Variants in ADPRHL1 observed in about 807,000 individuals in gnomAD.
ADPRHL1 encodes the protein ADP-ribosylhydrolase like 1.
Under a neutral mutation model 44.1 loss-of-function variants are expected in ADPRHL1, and 43 were observed. The ratio of observed to expected loss-of-function variants is 0.98; its 90% confidence interval spans 0.76 to 1.26. The LOEUF is 1.26. Among genes scored for constraint, ADPRHL1 ranks in the 50% most tolerant of loss-of-function variants. The probability of loss-of-function intolerance (pLI) is 0.00; values close to 1 mark genes in which losing one functional copy is unlikely to be tolerated. For missense variants in ADPRHL1, 2,022 were observed against 2,496.9 expected (o/e 0.81, Z 4.05); for synonymous variants, 878 against 1,017.4 (o/e 0.86, Z 2.61).
In ADPRHL1 at chr13:113,425,175, G is replaced by C; in HGVS notation, c.651C>G (p.Tyr217Ter). Residue 217 changes from tyrosine (Y) to a stop codon, truncating the protein, a stop_gained, in exon 5 of 8, where the codon TAC becomes TAG. Coordinates refer to ENST00000612156, the MANE Select transcript of ADPRHL1 (RefSeq NM_001394807.1). LOFTEE classifies it high-confidence loss of function. ...CTTCAAAGTAAAACCAGTGCTCCTG[G>C]TATTCTAAACATAAAGAACAAGGGG... ...CRKTIRHTAEYQEHWFYFEAK... is the reference protein window; with the variant it reads ...CRKTIRHTAE 1 of 1,394,610 alleles carries C rather than the reference G, an allele frequency of 7.2e-7. No individual in the cohort carries two copies. The highest frequency in any genetic ancestry group is 4.0e-5 in the East Asian group (1 of 25,024). The allele number at this position is 1,394,610 out of a possible 1,614,324, so 86.4% of individuals were successfully genotyped here. A position where few individuals can be genotyped will look rare whatever the true frequency, so the allele number is the denominator to read the frequency against.
intron 7 of ADPRHL1, among the ~76,000 whole-genome samples, chr13:113,418,147 C>T (rs147757735): frequency 6.6e-6 from 1 of 152,308 alleles, no homozygotes; most frequent in Non-Finnish European, 1.5e-5. Flanking sequence ...ACTCTGTGCT[C>T]ATGAACTGCA....
At position 113,404,322 on chromosome 13, in the gene ADPRHL1, C is replaced by T. The variant is rs374570776; in HGVS notation, c.4960G>A (p.Glu1654Lys). ...AQKGAQERAQEQAQEQTQIEA... is the reference protein window; with the variant it reads ...AQKGAQERAQKQAQEQTQIEA... ...ATCTGGGTCTGCTCCTGAGCCTGTTCCTGGGCCCGTTCCTGAGCCCCTTTC... is the reference window on the plus strand; with the variant it reads ...ATCTGGGTCTGCTCCTGAGCCTGTTTCTGGGCCCGTTCCTGAGCCCCTTTC... The change falls in exon 8 of 8, where the codon GAA (glutamate) becomes AAA (lysine). Residue 1654 changes from glutamate (E) to lysine (K), a missense_variant. Coordinates refer to ENST00000612156, the MANE Select transcript of ADPRHL1 (RefSeq NM_001394807.1). 3 of 1,330,738 alleles carry T rather than the reference C, an allele frequency of 2.3e-6. No homozygotes were observed. Among genetic ancestry groups the T allele is most frequent in the Non-Finnish European group, 2.9e-6 (3 of 1,048,936 alleles). The allele number at this position is 1,330,738 out of a possible 1,614,324, so 82.4% of individuals were successfully genotyped here. A position where few individuals can be genotyped will look rare whatever the true frequency, so the allele number is the denominator to read the frequency against.
intron 2 of ADPRHL1, among the ~76,000 whole-genome samples, chr13:113,434,326 G>C (rs2044030655): frequency 6.6e-6 from 1 of 151,674 alleles, no homozygotes; most frequent in East Asian, 1.9e-4. Context: ...AGTGAACATA[G>C]GTGTACCCCG....
At chr13:113,419,278 G>GTC (rs1448694797) in intron 7 of ADPRHL1, among the ~76,000 whole-genome samples, 1 of 77,314 alleles carries the variant, frequency 1.3e-5, no homozygotes, top group African/African-American at 6.3e-5. Context: ...GCTAATTTTT[G>GTC]TATTTTTTTT....
rs1267611286 is a variant in ADPRHL1, at chr13:113,404,752, C to G, written c.4530G>C (p.Trp1510Cys). 80 of 1,273,612 alleles carry G rather than the reference C, an allele frequency of 6.3e-5. No homozygotes were observed. The highest frequency in any genetic ancestry group is 7.7e-5 in the Non-Finnish European group (78 of 1,014,970). The allele number at this position is 1,273,612 out of a possible 1,614,324, so 78.9% of individuals were successfully genotyped here. The stretch of plus-strand genomic sequence containing the variant: ...GCCCCTGGGCCTCTATCTGGGTCTG[C>G]CACTGGGCCTGTTCTTGAGCGTGTC... ...VQGHAQEQAQWQTQIEAQGQA... is the reference protein window; with the variant it reads ...VQGHAQEQAQCQTQIEAQGQA... Residue 1510 changes from tryptophan to cysteine, a missense_variant, in exon 8 of 8, where the codon TGG becomes TGC. Trp to Cys is a radical substitution (Grantham distance 215). This residue lies in a region of ADPRHL1 where 1,221 missense variants were observed against 1,517.8 expected (regional missense o/e 0.80). Coordinates refer to ENST00000612156, the MANE Select transcript of ADPRHL1 (RefSeq NM_001394807.1).
Position 113,425,196 on chromosome 13 carries a change from A to G in ADPRHL1, c.647-17T>C, listed in dbSNP as rs755618961. Reference sequence around the variant, plus strand: ...CCTGGTATTCTAAACATAAAGAACAAGGGGAGCTGAACACAATGGCATCCA... The same window carrying G: ...CCTGGTATTCTAAACATAAAGAACAGGGGGAGCTGAACACAATGGCATCCA... On this transcript the variant is annotated splice_polypyrimidine_tract_variant and intron_variant, in intron 4 of 7. Coordinates refer to ENST00000612156, the MANE Select transcript of ADPRHL1 (RefSeq NM_001394807.1). 1 of 1,296,616 alleles carries G rather than the reference A, an allele frequency of 7.7e-7. No individual in the cohort carries two copies. The highest frequency in any genetic ancestry group is 1.3e-5 in the South Asian group (1 of 79,302). The allele number at this position is 1,296,616 out of a possible 1,614,324, so 80.3% of individuals were successfully genotyped here.
In ADPRHL1 at chr13:113,408,125, T is replaced by C; in HGVS notation, c.1157A>G (p.His386Arg). The C allele has an allele frequency of 8.1e-7, 1 of 1,231,902 alleles. No homozygotes were observed. The highest frequency in any genetic ancestry group is 1.6e-5 in the African/African-American group (1 of 64,488). The allele number at this position is 1,231,902 out of a possible 1,614,324, so 76.3% of individuals were successfully genotyped here. Residue 386 changes from histidine (H) to arginine (R), a missense_variant, in exon 8 of 8, where the codon CAC (histidine) becomes CGC (arginine). Transcript: ENST00000612156. ...MGKLACDPAA[H>R]SILSSLLLYV... ...GAGCAGCAGGCTGCTGAGGATGGAG[T>C]GGGCGGCCGGGTCACAGGCCAGCTT... is the stretch of plus-strand genomic sequence containing the variant.
chr13:113,431,849 G>C (rs983112772), intron 3 of ADPRHL1, among the ~76,000 whole-genome samples: 1 of 151,888 alleles, frequency 6.6e-6, no homozygotes, highest in Non-Finnish European at 1.5e-5. Context: ...CTGAGTAGCT[G>C]GGATTACAGG....
intron 2 of ADPRHL1, among the ~76,000 whole-genome samples, 178 bp from the exon 3 acceptor site, chr13:113,434,045 T>A (rs1383468279): frequency 6.6e-6 from 1 of 152,102 alleles, no homozygotes; most frequent in African/African-American, 2.4e-5. Flanking sequence ...AGAAAGGAGA[T>A]GGGGCAAATT....
At chr13:113,419,027 C>T in intron 7 of ADPRHL1, among the ~76,000 whole-genome samples, 1 of 151,678 alleles carries the variant, frequency 6.6e-6, no homozygotes, top group Non-Finnish European at 1.5e-5. Context: ...TTCCTTTCTT[C>T]CCCTTCCCCT....
At position 113,428,447 on chromosome 13, in the gene ADPRHL1, C is replaced by T. The variant is rs531141067; in HGVS notation, c.646+505G>A. On this transcript the variant is annotated intron_variant, in intron 4 of 7. Coordinates refer to ENST00000612156, the MANE Select transcript of ADPRHL1 (RefSeq NM_001394807.1). ...CCCTGCCGCCCCCTCCCCTCTTAGA[C>T]GGCACCTTCCGTGGGGTGGAAGAAT... Among the ~76,000 whole-genome samples the T allele has an allele frequency of 3.9e-5, 6 of 152,334 alleles. No homozygotes were observed. The East Asian group carries it at 1.2e-3, about 29-fold the overall frequency.
chr13:113,410,748 G>C (rs911734159), intron 7 of ADPRHL1, among the ~76,000 whole-genome samples: 1 of 152,224 alleles, frequency 6.6e-6, no homozygotes, highest in Non-Finnish European at 1.5e-5. Context: ...TGCGCCGTGG[G>C]GATGGGGAGG....
At chr13:113,421,254 CA>C (rs201551497) in intron 7 of ADPRHL1, among the ~76,000 whole-genome samples, 6 of 55,360 alleles carry the variant, frequency 1.1e-4, no homozygotes, top group Admixed American at 2.4e-4. Flanking sequence ...ACGCCCACCC[CA>C]GGGACACGCC....
Position 113,403,925 on chromosome 13 carries a change from A to G in ADPRHL1, c.5357T>C (p.Ile1786Thr), listed in dbSNP as rs113545882. The stretch of plus-strand genomic sequence containing the variant: ...TTTCTGGGTCTGCCTCTGAGTCTCT[A>G]TCTGGGTCTGCTCCCAGCCCTGATC... ...ARDQGWEQTQ[I>T]ETQRQTQKGA... Residue 1786 changes from isoleucine to threonine, a missense_variant, in exon 8 of 8, where the codon ATA becomes ACA. By Grantham distance (89) the Ile-to-Thr change is moderately conservative. Around this residue, in one of 8 missense-constraint regions of ADPRHL1, gnomAD observed 205 missense variants for 250.1 expected, o/e 0.82. Coordinates refer to ENST00000612156, the MANE Select transcript of ADPRHL1 (RefSeq NM_001394807.1). 1 of 1,254,630 alleles carries G rather than the reference A, an allele frequency of 8.0e-7. No homozygotes were observed. The highest frequency in any genetic ancestry group is 9.9e-7 in the Non-Finnish European group (1 of 1,007,616). 77.7% of individuals were successfully genotyped at this position (1,254,630 alleles called of 1,614,324 possible).
intron 7 of ADPRHL1, 23 bp downstream of exon 7, chr13:113,422,803 G>A: frequency 1.2e-6 from 2 of 1,612,662 alleles, no homozygotes. Flanking sequence ...TCTCTAGGGG[G>A]AAAGTGGCAG....
chr13:113,429,949 A>G (rs2043995380), intron 3 of ADPRHL1, among the ~76,000 whole-genome samples: 1 of 152,238 alleles, frequency 6.6e-6, no homozygotes, highest in African/African-American at 2.4e-5. Flanking sequence ...GTATATATGT[A>G]TTTAATAAAA....
Position 113,407,845 on chromosome 13 carries a change from C to T in ADPRHL1, c.1437G>A (p.Lys479=). Residue 479 remains lysine, a synonymous_variant, in exon 8 of 8, where the codon AAG becomes AAA. Coordinates refer to ENST00000612156, the MANE Select transcript of ADPRHL1 (RefSeq NM_001394807.1). ...TGAGGCAGGGCTTTGGGGCCGGCTCCTTGGTCTTCTCCAGGAGCTTGTTGA... is the reference window on the plus strand; with the variant it reads ...TGAGGCAGGGCTTTGGGGCCGGCTCTTTGGTCTTCTCCAGGAGCTTGTTGA... ...ATINKLLEKT[K]EPAPKPCLSE... The T allele has an allele frequency of 8.1e-7, 1 of 1,231,946 alleles. No homozygotes were observed. The allele number at this position is 1,231,946 out of a possible 1,614,324, so 76.3% of individuals were successfully genotyped here.
Position 113,407,113 on chromosome 13 carries a change from T to G in ADPRHL1, c.2169A>C (p.Ala723=), listed in dbSNP as rs2043814745. ...TGGVLPGLVP[A]SSPLGPASPW... is the part of the protein sequence containing the mutation. The stretch of plus-strand genomic sequence containing the variant: ...GGCTGGCCGGTCCCAGTGGGGATGA[T>G]GCAGGCACAAGGCCAGGAAGGACTC... The change falls in exon 8 of 8, where the codon GCA becomes GCC. Residue 723 remains alanine (A), a synonymous_variant. Coordinates refer to ENST00000612156, the MANE Select transcript of ADPRHL1 (RefSeq NM_001394807.1). 1.9e-5 allele frequency: 23 copies of G among 1,232,226 alleles called. No homozygotes were observed. The highest frequency in any genetic ancestry group is 2.3e-5 in the Non-Finnish European group (23 of 988,064). The allele number at this position is 1,232,226 out of a possible 1,614,324, so 76.3% of individuals were successfully genotyped here.
In ADPRHL1 at chr13:113,402,632, A is replaced by T. The variant is rs2043770820; in HGVS notation, c.*746T>A. 6.6e-6 allele frequency: 1 copy of T among 152,306 alleles called. No homozygotes were observed. Among genetic ancestry groups the T allele is most frequent in the Non-Finnish European group, 1.5e-5 (1 of 68,204 alleles). The allele number at this position is 152,306 out of a possible 1,614,324, so 9.4% of individuals were successfully genotyped here. Reference sequence around the variant, plus strand: ...TTCGTTCTCCCAGCACCCAGTTTCCAGACGAAGCCTCCCTGGGATCCTGGC... The same window carrying T: ...TTCGTTCTCCCAGCACCCAGTTTCCTGACGAAGCCTCCCTGGGATCCTGGC... On this transcript the variant is annotated 3_prime_UTR_variant, in exon 8 of 8. Transcript: ENST00000612156.
Sources: allele counts gnomAD v4.1 joint callset (sites outside exome capture counted in the v4.1 genomes callset), GRCh38; gene constraint gnomAD v4.1.1; regional missense constraint gnomAD v4.1.1; transcripts MANE v1.5; gene names NCBI Gene and HGNC (gene_info 2026-07-23, HGNC 2026-07-21).